CHD8: variants seen among roughly 807,000 people sequenced by gnomAD.
CHD8 encodes ATP-dependent chromatin remodeler CHD8.
Under a neutral mutation model 279.2 loss-of-function variants are expected in CHD8, and 31 were observed. That is an observed-to-expected ratio of 0.11 (90% CI 0.08 to 0.15). The LOEUF (loss-of-function observed/expected upper bound fraction) is 0.15, where lower values mean the gene tolerates loss of function less well. Among genes scored for constraint, CHD8 ranks in the 10% least tolerant of loss-of-function variants. CHD8 has a pLI of 1.00. For missense variants in CHD8, 2,146 were observed against 3,230.5 expected, an observed-to-expected ratio of 0.66 and a Z score of 8.14; for synonymous variants, 1,081 against 1,139.6, an observed-to-expected ratio of 0.95 and a Z score of 1.04.
chr14:21,436,918 G>A (rs776219665), intron 1 of CHD8: 1 of 1,287,138 alleles, frequency 7.8e-7, no homozygotes, highest in Non-Finnish European at 1.0e-6. Flanking sequence ...TACTGCCGGG[G>A]TTGGTGCCAG....
Position 21,430,985 on chromosome 14 carries a change from C to A in CHD8, c.659G>T (p.Gly220Val). 1 of 1,599,582 alleles carries A rather than the reference C, an allele frequency of 6.3e-7. No individual in the cohort carries two copies. The highest frequency in any genetic ancestry group is 1.7e-5 in the Admixed American group (1 of 60,018). ...GACCTTGGCGGCCAACACTGTATTACCAGAGACAATGGAAACACCTGGTCG... is the reference window on the plus strand; with the variant it reads ...GACCTTGGCGGCCAACACTGTATTAACAGAGACAATGGAAACACCTGGTCG... The part of the protein sequence containing the change: ...PLRPGVSIVS[G>V]NTVLAAKVPG... Residue 220 changes from glycine (G) to valine (V), a missense_variant, in exon 2 of 38, where the codon GGT (glycine) becomes GTT (valine). Gly to Val is a moderately radical substitution (Grantham distance 109). Transcript: ENST00000646647.
intron 37 of CHD8, among the ~76,000 whole-genome samples, chr14:21,387,796 ACT>A (rs375830321): frequency 0.013 from 1,716 of 132,196 alleles, 59 homozygotes; most frequent in African/African-American, 0.047. Context: ...ACAGAACGAG[ACT>A]CTGTCTCAAG....
At chr14:21,447,941 A>G (rs963642921) in intron 1 of CHD8, among the ~76,000 whole-genome samples, 36 of 152,172 alleles carry the variant, frequency 2.4e-4, no homozygotes, top group African/African-American at 8.0e-4. Flanking sequence ...AACTGGGCCA[A>G]TGTTCACCTT....
At chr14:21,432,413 T>C (rs1294973248) in intron 1 of CHD8, among the ~76,000 whole-genome samples, 1 of 152,236 alleles carries the variant, frequency 6.6e-6, no homozygotes, top group East Asian at 1.9e-4. Flanking sequence ...ACCTTTATTC[T>C]AGTTAACATA....
chr14:21,403,313 T>A lies in CHD8; in HGVS notation c.3519-101A>T. 1 of 1,330,244 alleles carries A rather than the reference T, an allele frequency of 7.5e-7. No individual in the cohort carries two copies. The highest frequency in any genetic ancestry group is 1.0e-6 in the Non-Finnish European group (1 of 965,414). 82.4% of individuals were successfully genotyped at this position (1,330,244 alleles called of 1,614,324 possible). The stretch of plus-strand genomic sequence containing the variant: ...ACCAGTACTCCCATATCAAAGCTGG[T>A]CAAAAACCCAAGTTGAGAGTGAGAA... On this transcript the variant is annotated intron_variant, in intron 17 of 37. Coordinates refer to ENST00000646647, the MANE Select transcript of CHD8 (RefSeq NM_001170629.2). This position sits in a 1 kb window ranked among gnomAD's most constrained non-coding sequence, Gnocchi z 4.3.
At chr14:21,438,504 T>C (rs1889871799) in intron 1 of CHD8, among the ~76,000 whole-genome samples, 1 of 95,148 alleles carries the variant, frequency 1.1e-5, no homozygotes, top group African/African-American at 4.6e-5. Flanking sequence ...TAGTAACACC[T>C]AGTCTCTTAA....
At chr14:21,413,132 C>T in intron 9 of CHD8, 136 bp from the exon 10 acceptor site, 1 of 651,328 alleles carries the variant, frequency 1.5e-6, no homozygotes, top group Non-Finnish European at 2.8e-6. Flanking sequence ...GGGTGTTCTC[C>T]TTTTTCATAA....
At position 21,422,618 on chromosome 14, in the gene CHD8, T is replaced by C. The variant is rs748979734; in HGVS notation, c.1716+3510A>G. Among the ~76,000 whole-genome samples the C allele has an allele frequency of 8.2e-4, 125 of 152,152 alleles. 2 individuals carry two copies. The highest frequency in any genetic ancestry group is 1.4e-3 in the Non-Finnish European group (95 of 68,020). The stretch of plus-strand genomic sequence containing the variant: ...CTATAACAGAATACCCGGGACTGGG[T>C]AATTTATTTTAATAAAAAAAGAAAT... On this transcript the variant is annotated intron_variant, in intron 5 of 37. Coordinates refer to ENST00000646647, the MANE Select transcript of CHD8 (RefSeq NM_001170629.2).
At chr14:21,443,780 C>A (rs1275281926) in intron 1 of CHD8, among the ~76,000 whole-genome samples, 1 of 139,882 alleles carries the variant, frequency 7.1e-6, no homozygotes, top group African/African-American at 2.7e-5. Flanking sequence ...GGCGTGAACC[C>A]GGGAGGCGCA....
rs750353323 is a variant in CHD8, at chr14:21,394,084, G to C, written c.5711C>G (p.Pro1904Arg). The change falls in exon 32 of 38, where the codon CCC (proline) becomes CGC (arginine). Residue 1904 changes from proline to arginine, a missense_variant. Physicochemically the swap from Pro to Arg is moderately radical, Grantham distance 103 (BLOSUM62 -2). Coordinates refer to ENST00000646647, the MANE Select transcript of CHD8 (RefSeq NM_001170629.2). Reference protein sequence around the residue: ...RRLREQVLCHPLLEDRLALCQ... With the variant: ...RRLREQVLCHRLLEDRLALCQ... The stretch of plus-strand genomic sequence containing the variant: ...CAATGCCAGCCGATCTTCCAAAAGG[G>C]GGTGGCATAAAACTTGTTCCCGTAA... 6.2e-7 allele frequency: 1 copy of C among 1,613,912 alleles called. No individual in the cohort carries two copies. The highest frequency in any genetic ancestry group is 8.5e-7 in the Non-Finnish European group (1 of 1,179,858).
chr14:21,412,859 C>T, intron 10 of CHD8, 54 bp downstream of exon 10: 1 of 1,123,144 alleles, frequency 8.9e-7, no homozygotes, highest in Non-Finnish European at 1.4e-6. Flanking sequence ...TTGGCAAACC[C>T]ACCAGCAGAA....
chr14:21,399,415 C>T (rs1887936151), intron 26 of CHD8, 187 bp downstream of exon 26: 2 of 559,250 alleles, frequency 3.6e-6, no homozygotes, highest in African/African-American at 3.8e-5. Flanking sequence ...TCCATCTGGC[C>T]CTTCTTGAAC....
intron 10 of CHD8, among the ~76,000 whole-genome samples, chr14:21,411,782 C>G (rs1888502890): frequency 6.6e-6 from 1 of 152,082 alleles, no homozygotes; most frequent in Non-Finnish European, 1.5e-5. Flanking sequence ...GAAAAAGGTG[C>G]CAGGCGTAGG....
intron 16 of CHD8, among the ~76,000 whole-genome samples, chr14:21,404,024 G>A (rs574324698): frequency 2.0e-5 from 3 of 152,008 alleles, no homozygotes; most frequent in African/African-American, 7.2e-5. Context: ...GCTTGAATTC[G>A]GGAGGTGGTG....
At position 21,414,290 on chromosome 14, in the gene CHD8, T is replaced by C; in HGVS notation, c.2142+11A>G. The C allele has an allele frequency of 7.5e-7, 1 of 1,326,868 alleles. No homozygotes were observed. Among genetic ancestry groups the C allele is most frequent in the Non-Finnish European group, 1.1e-6 (1 of 938,142 alleles). The allele number at this position is 1,326,868 out of a possible 1,614,324, so 82.2% of individuals were successfully genotyped here. ...TGAAAGAAATGACAGGCAATACCTA[T>C]TCCTAATTACCTCATGGAAGAAGTG... On this transcript the variant is annotated intron_variant, in intron 9 of 37. Transcript: ENST00000646647.
At position 21,402,779 on chromosome 14, in the gene CHD8, T is replaced by G. The variant is rs1324409971; in HGVS notation, c.3714+238A>C. 6.6e-6 allele frequency among the ~76,000 whole-genome samples: 1 copy of G among 152,220 alleles called. No homozygotes were observed. The highest frequency in any genetic ancestry group is 2.4e-5 in the African/African-American group (1 of 41,456). On this transcript the variant is annotated intron_variant, in intron 18 of 37. Transcript: ENST00000646647. The surrounding 1 kb of genome is among the most constrained non-coding windows in gnomAD (Gnocchi z 4.5). ...CATTTACATATTATCTATGGCTGTT[T>G]TTGCGCTACAGGACTTGGAGATAAG...
At position 21,431,759 on chromosome 14, in the gene CHD8, C is replaced by T. The variant is rs1889573789; in HGVS notation, c.-116G>A. 6.2e-7 allele frequency: 1 copy of T among 1,612,690 alleles called. No homozygotes were observed. The highest frequency in any genetic ancestry group is 1.7e-5 in the Admixed American group (1 of 60,004). On this transcript the variant is annotated 5_prime_UTR_variant, in exon 2 of 38. An upstream open reading frame in the 5' UTR loses its in-frame stop. Transcript: ENST00000646647. ...AAAAAATGTACACAATGTAAGAGGA[C>T]TACTCTTCAAGTATAGAGGCAAGAA...
Position 21,391,657 on chromosome 14 carries a change from T to G in CHD8, c.6886-15A>C. The stretch of plus-strand genomic sequence containing the variant: ...TCCACCTCCAGCTGCAAACCCAGAA[T>G]CCACCCCCATGAGCACATACTCTTC... On this transcript the variant is annotated splice_polypyrimidine_tract_variant and intron_variant, in intron 35 of 37. Coordinates refer to ENST00000646647, the MANE Select transcript of CHD8 (RefSeq NM_001170629.2). 8.6e-7 allele frequency: 1 copy of G among 1,165,296 alleles called. No individual in the cohort carries two copies. Among genetic ancestry groups the G allele is most frequent in the South Asian group, 1.3e-5 (1 of 77,268 alleles). The allele number at this position is 1,165,296 out of a possible 1,614,324, so 72.2% of individuals were successfully genotyped here.
chr14:21,422,797 C>T (rs148511565), intron 5 of CHD8, among the ~76,000 whole-genome samples: 2,426 of 152,146 alleles, frequency 0.016, 61 homozygotes, highest in African/African-American at 0.056. Flanking sequence ...GGCATGGTGG[C>T]GCACACCTAT....
Sources: allele counts gnomAD v4.1 joint callset (sites outside exome capture counted in the v4.1 genomes callset), GRCh38; gene constraint gnomAD v4.1.1; non-coding constraint Gnocchi (gnomAD v3.1); transcripts MANE v1.5; gene names NCBI Gene and HGNC (gene_info 2026-07-23, HGNC 2026-07-21).